Variants in RAB27A observed in about 807,000 individuals in gnomAD.
RAB27A encodes the protein RAB27A, member RAS oncogene family, also known as ras-related protein Rab-27A.
In RAB27A, 17 loss-of-function variants were observed where a neutral mutation model predicts 20.8. The ratio of observed to expected loss-of-function variants is 0.82; its 90% CI spans 0.56 to 1.23. The LOEUF is 1.23. Among genes scored for constraint, RAB27A ranks in the 50% most tolerant of loss-of-function variants. The probability of loss-of-function intolerance (pLI) is 0.00; values close to 1 mark genes in which losing one functional copy is unlikely to be tolerated. For missense variants in RAB27A, 277 were observed against 266.7 expected (o/e 1.04, Z -0.27); for synonymous variants, 85 against 92.8 (o/e 0.92, Z 0.48).
chr15:55,257,090 G>T (rs1897106860), intron 2 of RAB27A, among the ~76,000 whole-genome samples: 1 of 152,200 alleles, frequency 6.6e-6, no homozygotes, highest in African/African-American at 2.4e-5. Flanking sequence ...ATAAAGCCTA[G>T]GGGGCCAGGA....
intron 2 of RAB27A, among the ~76,000 whole-genome samples, chr15:55,268,867 A>T (rs574602599): frequency 5.3e-5 from 8 of 152,328 alleles, no homozygotes; most frequent in African/African-American, 1.9e-4. Flanking sequence ...TCAGAATACA[A>T]TGTTTTTTGG....
At chr15:55,297,733 G>A (rs914131912) in intron 2 of RAB27A, among the ~76,000 whole-genome samples, 8 of 152,180 alleles carry the variant, frequency 5.3e-5, no homozygotes, top group South Asian at 2.1e-4. Flanking sequence ...CACAAATTAC[G>A]CAGCCAGCCC....
chr15:55,235,423 G>C (rs1036587826), intron 2 of RAB27A, among the ~76,000 whole-genome samples: 1 of 151,684 alleles, frequency 6.6e-6, no homozygotes, highest in Admixed American at 6.6e-5. Flanking sequence ...ACTCCAGCCT[G>C]GGCAACAAGA....
intron 2 of RAB27A, among the ~76,000 whole-genome samples, chr15:55,264,311 A>C (rs1656754508): frequency 6.6e-6 from 1 of 152,186 alleles, no homozygotes; most frequent in South Asian, 2.1e-4. Context: ...TCGGCCTCCC[A>C]AAGTACTGGG....
chr15:55,255,247 C>A (rs888244325), intron 2 of RAB27A, among the ~76,000 whole-genome samples: 1 of 152,220 alleles, frequency 6.6e-6, no homozygotes, highest in African/African-American at 2.4e-5. Context: ...TCTATCCCTT[C>A]CACTCTCACC....
At position 55,223,939 on chromosome 15, in the gene RAB27A, G is replaced by T; in HGVS notation, c.417C>A (p.Asp139Glu). 6.2e-7 allele frequency: 1 copy of T among 1,613,652 alleles called. No individual in the cohort carries two copies. The highest frequency in any genetic ancestry group is 8.5e-7 in the Non-Finnish European group (1 of 1,179,808). ...CTTCCTCCTCTTTCACTACTCTCTG[G>T]TCCTCCAGATCACTCTTGTTTCCAC... Reference protein sequence around the residue: ...VLCGNKSDLEDQRVVKEEEAI... With the variant: ...VLCGNKSDLEEQRVVKEEEAI... The change falls in exon 6 of 7, where the codon GAC becomes GAA. Residue 139 changes from aspartate to glutamate, a missense_variant. Transcript: ENST00000336787.
At chr15:55,212,521 G>C (rs1895074096) in intron 6 of RAB27A, among the ~76,000 whole-genome samples, 1 of 149,424 alleles carries the variant, frequency 6.7e-6, no homozygotes, top group Non-Finnish European at 1.5e-5. Flanking sequence ...AGTTGCTCAA[G>C]AGCAACAAAT....
chr15:55,207,114 G>A lies in RAB27A; in HGVS notation c.468-1409C>T, dbSNP rs193268450. 1.1e-3 allele frequency among the ~76,000 whole-genome samples: 164 copies of A among 152,264 alleles called. 2 individuals carry two copies. Among genetic ancestry groups the A allele is most frequent in the African/African-American group, 3.7e-3 (152 of 41,556 alleles). ...ATGGTATATTAACTCACACCCATCA[G>A]ATTGGCAAAAATATAGAAATCTCCC... On this transcript the variant is annotated intron_variant, in intron 6 of 6. Coordinates refer to ENST00000336787, the MANE Select transcript of RAB27A (RefSeq NM_183235.3).
At chr15:55,254,114 T>G (rs1352032067) in intron 2 of RAB27A, among the ~76,000 whole-genome samples, 1 of 152,232 alleles carries the variant, frequency 6.6e-6, no homozygotes, top group East Asian at 1.9e-4. Flanking sequence ...TACAATCACA[T>G]TTTAGTATGT....
rs189104223 is a variant in RAB27A at position 55,228,219 on chromosome 15, C to G, written c.343+390G>C. Among the ~76,000 whole-genome samples, 922 of 152,274 alleles carry G rather than the reference C, an allele frequency of 6.1e-3. 5 individuals carry two copies. The highest frequency in any genetic ancestry group is 8.8e-3 in the Non-Finnish European group (602 of 68,028). ...AAGCTATCTGCATCTATGTAATACC[C>G]ATTTAATGTCCAGAGATGATAGAAG... On this transcript the variant is annotated intron_variant, in intron 5 of 6. Coordinates refer to ENST00000336787, the MANE Select transcript of RAB27A (RefSeq NM_183235.3).
chr15:55,275,828 G>A (rs1040236492), intron 1 of RAB27A, among the ~76,000 whole-genome samples: 7 of 141,294 alleles, frequency 5.0e-5, no homozygotes, highest in Non-Finnish European at 6.0e-5. Context: ...ACAAGTATAT[G>A]AAAAAGTGCT....
chr15:55,229,921 A>T (rs538202451), intron 4 of RAB27A, among the ~76,000 whole-genome samples: 2 of 152,322 alleles, frequency 1.3e-5, no homozygotes, highest in Admixed American at 6.5e-5. Context: ...AAAAGTTAAA[A>T]AACAAAATCC....
chr15:55,274,293 A>G (rs1050012198), intron 1 of RAB27A, among the ~76,000 whole-genome samples: 1 of 152,142 alleles, frequency 6.6e-6, no homozygotes, highest in African/African-American at 2.4e-5. Flanking sequence ...ATTAAGAAAA[A>G]AGAAAGATCT....
intron 6 of RAB27A, among the ~76,000 whole-genome samples, chr15:55,210,559 T>C (rs1482999857): frequency 6.6e-6 from 1 of 152,140 alleles, no homozygotes; most frequent in Non-Finnish European, 1.5e-5. Flanking sequence ...CTGTTTGCCA[T>C]TTGCAGATCT....
intron 2 of RAB27A, among the ~76,000 whole-genome samples, chr15:55,267,016 G>A (rs1226348972): frequency 6.6e-6 from 1 of 152,192 alleles, no homozygotes; most frequent in Non-Finnish European, 1.5e-5. Context: ...AAAATGTAAG[G>A]AGCAGCAAGA....
intron 2 of RAB27A, among the ~76,000 whole-genome samples, chr15:55,236,215 C>G (rs2140993937): frequency 6.6e-6 from 1 of 152,172 alleles, no homozygotes; most frequent in South Asian, 2.1e-4. Flanking sequence ...CTTGCCTTTT[C>G]TCTCTTTTTA....
chr15:55,207,785 C>G (rs139548220), intron 6 of RAB27A, among the ~76,000 whole-genome samples: 2 of 152,062 alleles, frequency 1.3e-5, no homozygotes, highest in African/African-American at 2.4e-5. Context: ...CAAGTTCAAG[C>G]GATTCTCGTC....
At chr15:55,287,885 T>C (rs1898199592) in intron 1 of RAB27A, among the ~76,000 whole-genome samples, 1 of 152,200 alleles carries the variant, frequency 6.6e-6, no homozygotes, top group African/African-American at 2.4e-5. Flanking sequence ...AGTATGATAC[T>C]AGCCTGAGGA....
At position 55,203,900 on chromosome 15, in the gene RAB27A, A is replaced by C. The variant is rs1204238761; in HGVS notation, c.*1607T>G. The C allele has an allele frequency of 1.3e-5, 2 of 152,168 alleles. No homozygotes were observed. The highest frequency in any genetic ancestry group is 2.4e-5 in the African/African-American group (1 of 41,450). 9.4% of individuals were successfully genotyped at this position (152,168 alleles called of 1,614,324 possible). ...GAGTAGTGGAAGGACAGTGGAAAAAAAAATAGGTTTTTTCATGATACTTTT... is the reference window on the plus strand; with the variant it reads ...GAGTAGTGGAAGGACAGTGGAAAAACAAATAGGTTTTTTCATGATACTTTT... On this transcript the variant is annotated 3_prime_UTR_variant, in exon 7 of 7. Transcript: ENST00000336787.
Sources: gnomAD v4.1 joint callset for allele counts (sites outside exome capture counted in the v4.1 genomes callset) on GRCh38, gnomAD v4.1.1 for gene constraint, MANE v1.5 for transcripts, NCBI Gene and HGNC (gene_info 2026-07-23, HGNC 2026-07-21) for gene names.